The following CEP83 variants were observed in gnomAD, a reference collection of about 807,000 sequenced individuals.
The protein encoded by CEP83 is centrosomal protein 83.
CEP83 carries 70 observed loss-of-function variants against 101.9 expected under a neutral mutation model. That is an observed-to-expected ratio of 0.69 (90% CI 0.57 to 0.84). CEP83 has a LOEUF of 0.84. Among genes scored for constraint, CEP83 ranks in the 40% least tolerant of loss-of-function variants. CEP83 has a pLI of 0.00. For synonymous variants in CEP83, 264 were observed against 267.9 expected (o/e 0.99, Z 0.14); for missense variants, 715 against 787.2 (o/e 0.91, Z 1.10).
the CEP83 span, chr12:94,297,351 A>C: frequency 6.2e-7 from 1 of 1,614,092 alleles, no homozygotes; most frequent in South Asian, 1.1e-5. Flanking sequence ...AAGATGTGCA[A>C]GGAAAGAGAC....
chr12:94,362,370 A>G (rs2060808915), intron 11 of CEP83, among the ~76,000 whole-genome samples: 1 of 152,178 alleles, frequency 6.6e-6, no homozygotes, highest in African/African-American at 2.4e-5. Context: ...TTATAATCTC[A>G]GTACTTTGGG....
intron 11 of CEP83, among the ~76,000 whole-genome samples, chr12:94,360,930 G>A (rs1025027342): frequency 6.6e-6 from 1 of 152,058 alleles, no homozygotes; most frequent in Admixed American, 6.6e-5. Context: ...AAACAGAAGA[G>A]AGAAGTCAAA....
At chr12:94,336,652 G>A (rs539875013) in intron 11 of CEP83, among the ~76,000 whole-genome samples, 5 of 152,248 alleles carry the variant, frequency 3.3e-5, no homozygotes, top group South Asian at 4.1e-4. Context: ...TTCCTGAGAC[G>A]TTTACATACA....
At chr12:94,449,698 A>G (rs374437063) in intron 1 of CEP83, among the ~76,000 whole-genome samples, 1 of 147,088 alleles carries the variant, frequency 6.8e-6, no homozygotes, top group Non-Finnish European at 1.5e-5. Flanking sequence ...GCATGAGCCC[A>G]GGAGTTTGAG....
At chr12:94,321,362 T>C (rs1020622757) in intron 14 of CEP83, among the ~76,000 whole-genome samples, 4 of 152,230 alleles carry the variant, frequency 2.6e-5, no homozygotes, top group African/African-American at 7.2e-5. Context: ...CTGAATTCTA[T>C]TTGTGTCACT....
At chr12:94,350,096 A>C (rs996407191) in intron 11 of CEP83, among the ~76,000 whole-genome samples, 1 of 152,194 alleles carries the variant, frequency 6.6e-6, no homozygotes, top group Non-Finnish European at 1.5e-5. Context: ...GAATCAATGC[A>C]ATTGCTATCA....
intron 11 of CEP83, among the ~76,000 whole-genome samples, chr12:94,337,394 C>G (rs2059494761): frequency 6.6e-6 from 1 of 152,128 alleles, no homozygotes; most frequent in South Asian, 2.1e-4. Flanking sequence ...GAATCTAAAA[C>G]TCATTTTTTT....
At chr12:94,412,642 G>T in intron 2 of CEP83, 51 bp from the exon 3 acceptor site, 1 of 539,530 alleles carries the variant, frequency 1.9e-6, no homozygotes, top group Non-Finnish European at 3.2e-6. Context: ...GTAAACGTAA[G>T]CCTCCTTTAA....
At chr12:94,362,465 A>G (rs1478575201) in intron 11 of CEP83, among the ~76,000 whole-genome samples, 1 of 152,064 alleles carries the variant, frequency 6.6e-6, no homozygotes, top group Non-Finnish European at 1.5e-5. Flanking sequence ...ACTAAAAATA[A>G]CAGTCAATCA....
intron 13 of CEP83, among the ~76,000 whole-genome samples, chr12:94,332,228 A>G (rs542848299): frequency 3.7e-4 from 57 of 152,326 alleles, no homozygotes; most frequent in African/African-American, 1.3e-3. Flanking sequence ...GTCCTCATAA[A>G]TTTGGTTTAA....
chr12:94,298,839 C>CAGAATATTAACTAAAAGAA, the CEP83 span: 37 of 1,542,266 alleles, frequency 2.4e-5, no homozygotes. Context: ...GAATCTGGGA[C>CAGAATATTAACTAAAAGAA]AGAATATTAA....
chr12:94,333,783 A>AC, intron 12 of CEP83, 144 bp from the exon 13 acceptor site: 2 of 664,564 alleles, frequency 3.0e-6, no homozygotes, highest in Non-Finnish European at 5.0e-6. Flanking sequence ...AAAGGAAATA[A>AC]CAAATAGCAG....
chr12:94,400,928 A>G lies in CEP83; in HGVS notation c.471T>C (p.Phe157=). 4.6e-6 allele frequency: 7 copies of G among 1,515,820 alleles called. No individual in the cohort carries two copies. The highest frequency in any genetic ancestry group is 6.2e-6 in the Non-Finnish European group (7 of 1,128,912). 93.9% of individuals were successfully genotyped at this position (1,515,820 alleles called of 1,614,324 possible). A position where few individuals can be genotyped will look rare whatever the true frequency, so the allele number is the denominator to read the frequency against. The change falls in exon 6 of 17, where the codon TTT becomes TTC. Residue 157 remains phenylalanine (F), a synonymous_variant. Coordinates refer to ENST00000397809, the MANE Select transcript of CEP83 (RefSeq NM_016122.3). ...TCTGGTGTTCAAATTCTGACTTGAG[A>G]AATGTATGTTCATAGCGAAGCTTAT... The part of the protein sequence containing the change: ...VYNKLRYEHT[F]LKSEFEHQKE...
intron 11 of CEP83, among the ~76,000 whole-genome samples, chr12:94,367,498 A>G (rs984639855): frequency 2.0e-4 from 30 of 152,304 alleles, no homozygotes; most frequent in Admixed American, 7.2e-4. Context: ...GATTAAAAGT[A>G]ACTAAATGCA....
the CEP83 span, chr12:94,277,623 T>C: frequency 3.5e-6 from 1 of 284,988 alleles, no homozygotes; most frequent in Non-Finnish European, 6.8e-6. Context: ...AAGCCAGGAG[T>C]CTACTGGCTT....
At position 94,386,922 on chromosome 12, in the gene CEP83, TG is replaced by T. The variant is rs753745502; in HGVS notation, c.550-7881del. Among the ~76,000 whole-genome samples, 86 of 152,234 alleles carry T rather than the reference TG, an allele frequency of 5.6e-4. 1 individual carries two copies. Among genetic ancestry groups the T allele is most frequent in the Non-Finnish European group, 9.6e-4 (65 of 68,018 alleles). The stretch of plus-strand genomic sequence containing the variant: ...GTACAAAAACAGACACACAGCCAAA[TG>T]GAACAGAATACAGTAACCAGAAATA... On this transcript the variant is annotated intron_variant, in intron 6 of 16. Coordinates refer to ENST00000397809, the MANE Select transcript of CEP83 (RefSeq NM_016122.3).
chr12:94,411,732 C>G lies in CEP83; in HGVS notation c.289G>C (p.Glu97Gln), dbSNP rs759924969. The G allele has an allele frequency of 6.2e-7, 1 of 1,608,860 alleles. No individual in the cohort carries two copies. The highest frequency in any genetic ancestry group is 1.1e-5 in the South Asian group (1 of 90,138). ...ATTTCTTCTAAATCTTTAGTTTTCT[C>G]TACTAATTCTCCTCTTAGTTCTTCA... Reference protein sequence around the residue: ...LLEELRGELVEKTKDLEEMKL... With the variant: ...LLEELRGELVQKTKDLEEMKL... Residue 97 changes from glutamate (E) to glutamine (Q), a missense_variant, in exon 4 of 17, where the codon GAG (glutamate) becomes CAG (glutamine). Coordinates refer to ENST00000397809, the MANE Select transcript of CEP83 (RefSeq NM_016122.3).
At chr12:94,356,406 T>G (rs1253944745) in intron 11 of CEP83, among the ~76,000 whole-genome samples, 1 of 152,202 alleles carries the variant, frequency 6.6e-6, no homozygotes, top group East Asian at 1.9e-4. Flanking sequence ...CTCATTATTT[T>G]TTGAGGAAAA....
intron 14 of CEP83, among the ~76,000 whole-genome samples, chr12:94,315,969 G>A (rs1248448133): frequency 6.6e-6 from 1 of 152,076 alleles, no homozygotes; most frequent in African/African-American, 2.4e-5. Context: ...CTTCAAGATT[G>A]CTTTGGGTAT....
Sources: allele counts gnomAD v4.1 joint callset (sites outside exome capture counted in the v4.1 genomes callset), GRCh38; gene constraint gnomAD v4.1.1; transcripts MANE v1.5; gene names NCBI Gene and HGNC (gene_info 2026-07-23, HGNC 2026-07-21).